Variants in VWA3B observed in about 807,000 individuals in gnomAD.
VWA3B encodes von Willebrand factor A domain containing 3B.
Under a neutral mutation model 158.3 loss-of-function variants are expected in VWA3B, and 138 were observed. The ratio of observed to expected loss-of-function variants is 0.87; its 90% CI spans 0.76 to 1.00. The LOEUF (loss-of-function observed/expected upper bound fraction) is 1.00, where lower values mean the gene tolerates loss of function less well. VWA3B is among the 50% of genes least tolerant of loss of function. The pLI, the probability that VWA3B is intolerant of heterozygous loss-of-function variation, is 0.00. For synonymous variants in VWA3B, 596 were observed against 587.3 expected, an observed-to-expected ratio of 1.01 and a Z score of -0.21; for missense variants, 1,555 against 1,565.1, an observed-to-expected ratio of 0.99 and a Z score of 0.11.
intron 9 of VWA3B, among the ~76,000 whole-genome samples, chr2:98,184,683 C>T (rs557455784): frequency 1.3e-5 from 2 of 152,354 alleles, no homozygotes; most frequent in East Asian, 1.9e-4. Context: ...GCCTCTGAAA[C>T]GTTCCCATTG....
chr2:98,136,106 T>C (rs1325624827), intron 7 of VWA3B, among the ~76,000 whole-genome samples: 1 of 152,190 alleles, frequency 6.6e-6, no homozygotes, highest in Non-Finnish European at 1.5e-5. Context: ...TTCCTGCTAT[T>C]ATTGACTTTT....
At chr2:98,148,351 G>A (rs575968779) in intron 7 of VWA3B, among the ~76,000 whole-genome samples, 4 of 152,204 alleles carry the variant, frequency 2.6e-5, no homozygotes, top group East Asian at 1.9e-4. Context: ...GAACATTTTT[G>A]GATTTGTTAA....
intron 6 of VWA3B, among the ~76,000 whole-genome samples, chr2:98,129,904 C>T (rs1413187457): frequency 1.3e-5 from 2 of 152,060 alleles, no homozygotes; most frequent in Non-Finnish European, 2.9e-5. Context: ...GTGGGTTGCC[C>T]CTCCACACCT....
At chr2:98,093,436 GC>G (rs1682495797) in intron 2 of VWA3B, 148 bp downstream of exon 2, 1 of 685,612 alleles carries the variant, frequency 1.5e-6, no homozygotes, top group Non-Finnish European at 2.4e-6. Context: ...TTGCACGTGT[GC>G]CCCCAATATA....
intron 22 of VWA3B, among the ~76,000 whole-genome samples, chr2:98,274,798 C>T (rs1294808288): frequency 1.3e-5 from 2 of 152,196 alleles, no homozygotes; most frequent in African/African-American, 4.8e-5. Context: ...CAGCGCTCCC[C>T]TTGAGAGGTG....
chr2:98,265,009 TAA>T (rs2105860878), intron 21 of VWA3B, among the ~76,000 whole-genome samples: 1 of 118,288 alleles, frequency 8.5e-6, no homozygotes, highest in South Asian at 2.4e-4. Flanking sequence ...TAAGTTGATA[TAA>T]CAACTTATGA....
In VWA3B at chr2:98,311,982, C is replaced by T; in HGVS notation, c.3685C>T (p.His1229Tyr). The change falls in exon 27 of 28, where the codon CAC (histidine) becomes TAC (tyrosine). Residue 1229 changes from histidine to tyrosine, a missense_variant. Coordinates refer to ENST00000477737, the MANE Select transcript of VWA3B (RefSeq NM_144992.5). ...GCCCTCGGACTCGGACGGCTCCTCC[C>T]ACGGCATCAGCTCCCATGGGTCCTG... ...AAPSDSDGSSHGISSHGSCQG... is the reference protein window; with the variant it reads ...AAPSDSDGSSYGISSHGSCQG... 1.2e-6 allele frequency: 2 copies of T among 1,604,344 alleles called. No individual in the cohort carries two copies. The highest frequency in any genetic ancestry group is 1.7e-6 in the Non-Finnish European group (2 of 1,175,450).
intron 2 of VWA3B, among the ~76,000 whole-genome samples, chr2:98,103,367 T>C (rs935888544): frequency 4.6e-5 from 7 of 152,158 alleles, no homozygotes; most frequent in African/African-American, 2.4e-5. Flanking sequence ...CTTTTAAAGA[T>C]ATAAATTTAA....
chr2:98,279,413 T>G lies in VWA3B; in HGVS notation c.3045+8530T>G, dbSNP rs145139272. On this transcript the variant is annotated intron_variant, in intron 22 of 27. Coordinates refer to ENST00000477737, the MANE Select transcript of VWA3B (RefSeq NM_144992.5). The stretch of plus-strand genomic sequence containing the variant: ...GCCAGCACTCTCCTGCCTCTACATT[T>G]GTCTTTGTTCCCAACCATGAATTCT... 6.8e-3 allele frequency among the ~76,000 whole-genome samples: 1,034 copies of G among 152,246 alleles called. 10 individuals are homozygous for G. The highest frequency in any genetic ancestry group is 0.024 in the African/African-American group (983 of 41,528).
Position 98,119,688 on chromosome 2 carries a change from T to A in VWA3B, c.467T>A (p.Leu156His). The change falls in exon 4 of 28, where the codon CTT (leucine) becomes CAT (histidine). Residue 156 changes from leucine (L) to histidine (H), a missense_variant. Transcript: ENST00000477737. The stretch of plus-strand genomic sequence containing the variant: ...TTTGGCGGCATTCTGGAGGGGGAGC[T>A]TGATCTGTGCCGAGAGGCTCTAACA... ...LDFGGILEGE[L>H]DLCREALTMV... The A allele has an allele frequency of 3.1e-6, 5 of 1,614,140 alleles. No homozygotes were observed. Among genetic ancestry groups the A allele is most frequent in the Non-Finnish European group, 4.2e-6 (5 of 1,180,032 alleles).
At position 98,277,960 on chromosome 2, in the gene VWA3B, CT is replaced by C. The variant is rs879896181; in HGVS notation, c.3045+7089del. Among the ~76,000 whole-genome samples, 1,466 of 147,082 alleles carry C rather than the reference CT, an allele frequency of 1.0e-2. 21 individuals carry two copies. Among genetic ancestry groups the C allele is most frequent in the African/African-American group, 0.031 (1,235 of 40,480 alleles). On this transcript the variant is annotated intron_variant, in intron 22 of 27. Transcript: ENST00000477737. ...ACCAATTGTCATTCTTCAATTGTAA[CT>C]TTTTTTTTTTTACAGTCCATTAACG...
At chr2:98,103,586 G>A (rs893175824) in intron 2 of VWA3B, among the ~76,000 whole-genome samples, 1 of 152,012 alleles carries the variant, frequency 6.6e-6, no homozygotes, top group African/African-American at 2.4e-5. Context: ...ACTTTTAAAA[G>A]TACTTGTTTT....
chr2:98,285,362 C>T (rs914146283), intron 22 of VWA3B, among the ~76,000 whole-genome samples: 1 of 152,002 alleles, frequency 6.6e-6, no homozygotes, highest in African/African-American at 2.4e-5. Flanking sequence ...ATTATTTCTA[C>T]TTTTTTATTA....
At chr2:98,167,985 C>T (rs988077664) in intron 8 of VWA3B, among the ~76,000 whole-genome samples, 1 of 152,152 alleles carries the variant, frequency 6.6e-6, no homozygotes, top group Non-Finnish European at 1.5e-5. Flanking sequence ...AACATAACTG[C>T]ATCTCTGAAC....
At chr2:98,166,127 G>A (rs1679053595) in intron 8 of VWA3B, among the ~76,000 whole-genome samples, 3 of 152,028 alleles carry the variant, frequency 2.0e-5, no homozygotes, top group South Asian at 2.1e-4. Context: ...ACCTGAGGTC[G>A]GCAGTTCGAG....
intron 20 of VWA3B, among the ~76,000 whole-genome samples, chr2:98,255,437 T>C (rs1369792064): frequency 6.6e-6 from 1 of 151,988 alleles, no homozygotes; most frequent in Non-Finnish European, 1.5e-5. Context: ...CCTGACATGA[T>C]GACACAGAAC....
chr2:98,296,521 T>A (rs770755295), intron 23 of VWA3B, among the ~76,000 whole-genome samples: 5 of 152,168 alleles, frequency 3.3e-5, no homozygotes, highest in Admixed American at 6.5e-5. Context: ...TCAAAAAAAA[T>A]TCATTCCTTT....
At chr2:98,266,532 C>CT (rs1369696229) in intron 21 of VWA3B, among the ~76,000 whole-genome samples, 1 of 148,242 alleles carries the variant, frequency 6.7e-6, no homozygotes, top group Admixed American at 6.7e-5. Flanking sequence ...GATGCGGGCT[C>CT]TTTTTTGGTT....
chr2:98,163,492 C>T (rs1027640115), intron 8 of VWA3B, among the ~76,000 whole-genome samples: 1 of 152,058 alleles, frequency 6.6e-6, no homozygotes, highest in Non-Finnish European at 1.5e-5. Context: ...GAGCCGAGAT[C>T]GTGCCACTGC....
Sources: allele counts gnomAD v4.1 joint callset (sites outside exome capture counted in the v4.1 genomes callset), GRCh38; gene constraint gnomAD v4.1.1; transcripts MANE v1.5; gene names NCBI Gene and HGNC (gene_info 2026-07-23, HGNC 2026-07-21).